The following COL12A1 variants were observed in gnomAD, a reference collection of about 807,000 sequenced individuals.
The protein encoded by COL12A1 is collagen alpha-1(XII) chain.
In COL12A1, 114 loss-of-function variants were observed where a neutral mutation model predicts 349.7. That is an observed-to-expected ratio of 0.33 (90% CI 0.28 to 0.38). The LOEUF is 0.38. Among genes scored for constraint, COL12A1 ranks in the 10% least tolerant of loss-of-function variants. COL12A1 has a pLI of 1.00. For missense variants in COL12A1, 3,284 were observed against 3,756.9 expected (o/e 0.87, Z 3.29); for synonymous variants, 1,369 against 1,329.0 (o/e 1.03, Z -0.66).
intron 2 of COL12A1, among the ~76,000 whole-genome samples, chr6:75,200,418 C>A (rs1251103571): frequency 1.3e-5 from 2 of 152,024 alleles, no homozygotes; most frequent in Non-Finnish European, 2.9e-5. Flanking sequence ...ACTAAAAATA[C>A]AAAAATTAGC....
chr6:75,127,004 CA>C (rs1462551092), intron 38 of COL12A1, among the ~76,000 whole-genome samples: 1 of 152,108 alleles, frequency 6.6e-6, no homozygotes, highest in Non-Finnish European at 1.5e-5. Flanking sequence ...CTTATAAAAT[CA>C]ATGCTGTTCA....
At chr6:75,196,101 G>T (rs1275344090) in intron 2 of COL12A1, among the ~76,000 whole-genome samples, 1 of 152,148 alleles carries the variant, frequency 6.6e-6, no homozygotes, top group Non-Finnish European at 1.5e-5. Flanking sequence ...ATTTTATAAT[G>T]ATATTCTCTC....
chr6:75,106,571 A>T, intron 52 of COL12A1, 75 bp from the exon 53 acceptor site: 1 of 1,278,734 alleles, frequency 7.8e-7, no homozygotes, highest in Non-Finnish European at 1.1e-6. Context: ...ACATTTTAAC[A>T]TTGCCAACTT....
At chr6:75,132,278 C>A (rs1327421483) in intron 34 of COL12A1, among the ~76,000 whole-genome samples, 196 bp from the exon 35 acceptor site, 1 of 152,110 alleles carries the variant, frequency 6.6e-6, no homozygotes, top group Non-Finnish European at 1.5e-5. Flanking sequence ...TGGCCTTTGT[C>A]TATAAGGAAG....
At chr6:75,126,918 G>A (rs527814863) in intron 38 of COL12A1, among the ~76,000 whole-genome samples, 2 of 151,998 alleles carry the variant, frequency 1.3e-5, no homozygotes, top group Non-Finnish European at 2.9e-5. Flanking sequence ...TTTTTTCCCT[G>A]TACCTCTCTA....
At chr6:75,170,041 C>A (rs1315562946) in intron 13 of COL12A1, among the ~76,000 whole-genome samples, 2 of 152,202 alleles carry the variant, frequency 1.3e-5, no homozygotes, top group Admixed American at 1.3e-4. Flanking sequence ...TTGATTCCTA[C>A]ACTGCTTTTT....
chr6:75,148,556 TTGAAATGACATTGAAA>T, intron 21 of COL12A1, 59 bp from the exon 22 acceptor site: 1 of 1,449,554 alleles, frequency 6.9e-7, no homozygotes, highest in Non-Finnish European at 9.5e-7. Context: ...GTGACAATAT[TTGAAATGACATTGAAA>T]CAATATTATG....
chr6:75,145,713 C>A (rs1269691711), intron 24 of COL12A1, among the ~76,000 whole-genome samples: 1 of 151,114 alleles, frequency 6.6e-6, no homozygotes, highest in Non-Finnish European at 1.5e-5. Flanking sequence ...CTCACCGCAA[C>A]TTCCACCTCC....
chr6:75,140,180 C>A (rs1467552041), intron 27 of COL12A1, among the ~76,000 whole-genome samples: 1 of 152,154 alleles, frequency 6.6e-6, no homozygotes, highest in Non-Finnish European at 1.5e-5. Context: ...TTCACTACAC[C>A]TGTTACGTTA....
At chr6:75,188,682 G>A in intron 7 of COL12A1, 147 bp from the exon 8 acceptor site, 1 of 877,160 alleles carries the variant, frequency 1.1e-6, no homozygotes, top group East Asian at 2.6e-5. Context: ...TTTCATAACA[G>A]TTGCACATGC....
At chr6:75,175,005 TC>T (rs771065870) in intron 13 of COL12A1, 32 bp downstream of exon 13, 3 of 1,609,298 alleles carry the variant, frequency 1.9e-6, no homozygotes, top group East Asian at 4.5e-5. Context: ...ACAAACAAGT[TC>T]CTGGATTTTC....
At chr6:75,106,583 T>C in intron 52 of COL12A1, 87 bp from the exon 53 acceptor site, 1 of 1,079,500 alleles carries the variant, frequency 9.3e-7, no homozygotes, top group Non-Finnish European at 1.4e-6. Context: ...TGCCAACTTC[T>C]CACACATACT....
At position 75,151,264 on chromosome 6, in the gene COL12A1, C is replaced by G; in HGVS notation, c.4024G>C (p.Glu1342Gln). 6.2e-7 allele frequency: 1 copy of G among 1,612,934 alleles called. No homozygotes were observed. The highest frequency in any genetic ancestry group is 2.2e-5 in the East Asian group (1 of 44,864). Residue 1342 changes from glutamate (E) to glutamine (Q), a missense_variant, in exon 21 of 66, where the codon GAA becomes CAA. By Grantham distance (29) the Glu-to-Gln change is conservative. This residue lies in a region of COL12A1 where 2,601 missense variants were observed against 2,824.8 expected (regional missense o/e 0.92). Transcript: ENST00000322507. ...GGATCAGTTGCAATCATCTTTAATT[C>G]GACTTCATCAGCATTTTTAATACCT... ...AIGIKNADEV[E>Q]LKMIATDPDD...
At chr6:75,204,990 C>A (rs1255187493) in intron 1 of COL12A1, among the ~76,000 whole-genome samples, 4 of 151,968 alleles carry the variant, frequency 2.6e-5, no homozygotes, top group African/African-American at 9.7e-5. Flanking sequence ...GAAGGGCTCC[C>A]GAGGTCGCCC....
At chr6:75,171,095 A>G (rs1768607348) in intron 13 of COL12A1, among the ~76,000 whole-genome samples, 1 of 152,216 alleles carries the variant, frequency 6.6e-6, no homozygotes, top group Non-Finnish European at 1.5e-5. Flanking sequence ...GTTTATAAAA[A>G]CAGATTTTCC....
In COL12A1 at chr6:75,105,272, A is replaced by G. The variant is rs1768493900; in HGVS notation, c.8199T>C (p.Pro2733=). Residue 2733 remains proline (P), a synonymous_variant, in exon 54 of 66, where the codon CCT becomes CCC. Coordinates refer to ENST00000322507, the MANE Select transcript of COL12A1 (RefSeq NM_004370.6). ...TACATGTGCAAGAATTTGGAAAAGC[A>G]GGGCATTTTCCCTCATCTCTCTGAA... ...IPSRRDEGKC[P]AFPNSCTCTQ... The G allele has an allele frequency of 1.9e-6, 3 of 1,613,754 alleles. No individual in the cohort carries two copies. The East Asian group carries it at 6.7e-5, about 36-fold the overall frequency.
chr6:75,194,706 G>A lies in COL12A1; in HGVS notation c.190+125C>T, dbSNP rs1001219426. 7 of 571,460 alleles carry A rather than the reference G, an allele frequency of 1.2e-5. No individual in the cohort carries two copies. In the African/African-American group the frequency reaches 1.3e-4, roughly 11 times the overall value. The allele number at this position is 571,460 out of a possible 1,614,324, so 35.4% of individuals were successfully genotyped here. ...AACCTGAGTTCAGCAAATGTCTGGT[G>A]ACATGGATCAAATCCCTCAGGCTTC... On this transcript the variant is annotated intron_variant, in intron 3 of 65. Coordinates refer to ENST00000322507, the MANE Select transcript of COL12A1 (RefSeq NM_004370.6).
Position 75,133,319 on chromosome 6 carries a change from C to G in COL12A1, c.5768G>C (p.Gly1923Ala), listed in dbSNP as rs761105355. ...VVPVYTEGDGGRTSDTGRTLM... is the reference protein window; with the variant it reads ...VVPVYTEGDGARTSDTGRTLM... ...TGTCCTTCCAGTATCTGATGTGCGT[C>G]CCCCATCACCTTCAGTATAAACGGG... The change falls in exon 34 of 66, where the codon GGA (glycine) becomes GCA (alanine). Residue 1923 changes from glycine (G) to alanine (A), a missense_variant. Gly to Ala is a moderately conservative substitution (Grantham distance 60). This residue lies in a region of COL12A1 where 2,601 missense variants were observed against 2,824.8 expected (regional missense o/e 0.92). Transcript: ENST00000322507. The G allele has an allele frequency of 6.2e-7, 1 of 1,601,774 alleles. No homozygotes were observed. The highest frequency in any genetic ancestry group is 1.1e-5 in the South Asian group (1 of 87,158).
intron 27 of COL12A1, 94 bp from the exon 28 acceptor site, chr6:75,139,055 A>G: frequency 7.2e-7 from 1 of 1,387,388 alleles, no homozygotes; most frequent in East Asian, 2.3e-5. Context: ...ATATTAATGG[A>G]CATCTGAAAA....
Sources: gnomAD v4.1 joint callset for allele counts (sites outside exome capture counted in the v4.1 genomes callset) on GRCh38, gnomAD v4.1.1 for gene constraint, gnomAD v4.1.1 regional missense constraint, MANE v1.5 for transcripts, NCBI Gene and HGNC (gene_info 2026-07-23, HGNC 2026-07-21) for gene names.